The following ARL15 variants were observed in gnomAD, a reference collection of about 807,000 sequenced individuals.
The protein encoded by ARL15 is ADP-ribosylation factor-like protein 15.
ARL15 carries 19 observed loss-of-function variants against 25.2 expected under a neutral mutation model. The ratio of observed to expected loss-of-function variants is 0.75; its 90% CI spans 0.53 to 1.10. The LOEUF (loss-of-function observed/expected upper bound fraction) is 1.10, where lower values mean the gene tolerates loss of function less well. ARL15 is among the 50% of genes least tolerant of loss of function. The pLI is 0.00. For synonymous variants in ARL15, 94 were observed against 86.8 expected, an observed-to-expected ratio of 1.08 and a Z score of -0.46; for missense variants, 220 against 246.0, an observed-to-expected ratio of 0.89 and a Z score of 0.71.
intron 4 of ARL15, among the ~76,000 whole-genome samples, chr5:53,903,744 C>G (rs1201251317): frequency 1.3e-5 from 2 of 152,186 alleles, no homozygotes; most frequent in African/African-American, 4.8e-5. Context: ...GTGCTTCTTT[C>G]TGGCTCAAAA....
chr5:54,288,985 A>C (rs1373126275), intron 1 of ARL15, among the ~76,000 whole-genome samples: 1 of 152,188 alleles, frequency 6.6e-6, no homozygotes, highest in African/African-American at 2.4e-5. Context: ...AGGAAGTAAG[A>C]GGCCTGTCTC....
chr5:54,139,221 T>G (rs1366380443), intron 3 of ARL15, among the ~76,000 whole-genome samples: 1 of 152,188 alleles, frequency 6.6e-6, no homozygotes, highest in African/African-American at 2.4e-5. Flanking sequence ...CACACATGTT[T>G]ATCACAGCAC....
At chr5:53,971,543 T>C (rs977941992) in intron 4 of ARL15, among the ~76,000 whole-genome samples, 1 of 152,084 alleles carries the variant, frequency 6.6e-6, no homozygotes, top group African/African-American at 2.4e-5. Context: ...GAGTACATTA[T>C]CCTCATTCAT....
At chr5:53,972,935 C>T (rs1747800116) in intron 4 of ARL15, among the ~76,000 whole-genome samples, 1 of 151,982 alleles carries the variant, frequency 6.6e-6, no homozygotes, top group Non-Finnish European at 1.5e-5. Flanking sequence ...TTCATGTTTG[C>T]AATGACCTAA....
chr5:54,066,129 A>G (rs573959280), intron 4 of ARL15, among the ~76,000 whole-genome samples: 38 of 152,306 alleles, frequency 2.5e-4, no homozygotes, highest in African/African-American at 8.7e-4. Context: ...GCCCCAAATC[A>G]CAAAGCTACT....
At chr5:54,117,427 T>A in intron 3 of ARL15, among the ~76,000 whole-genome samples, 1 of 134,274 alleles carries the variant, frequency 7.4e-6, no homozygotes, top group South Asian at 2.6e-4. Flanking sequence ...AGAAATACCA[T>A]AACTTTAAAA....
intron 4 of ARL15, among the ~76,000 whole-genome samples, chr5:53,898,819 A>AT (rs1365391065): frequency 2.6e-5 from 4 of 151,484 alleles, no homozygotes; most frequent in Non-Finnish European, 1.5e-5. Flanking sequence ...TGCCTGGCTA[A>AT]TTTTTGTATT....
intron 4 of ARL15, among the ~76,000 whole-genome samples, chr5:53,900,947 T>C (rs1745045819): frequency 6.6e-6 from 1 of 152,234 alleles, no homozygotes; most frequent in Admixed American, 6.5e-5. Flanking sequence ...ACTTATGTTT[T>C]GAGCTATTCC....
rs187157320 is a variant in ARL15, at chr5:54,268,162, C to T, written c.48+42270G>A. ...TCCCATATTTCTCGGAGGCTTTGTT[C>T]GTTTCTTTTTATTCTTTTTTCTCTA... On this transcript the variant is annotated intron_variant, in intron 1 of 4. Transcript: ENST00000504924. Among the ~76,000 whole-genome samples, 1,027 of 152,168 alleles carry T rather than the reference C, an allele frequency of 6.7e-3. 5 individuals are homozygous for T. Among genetic ancestry groups the T allele is most frequent in the Middle Eastern group, 0.048 (14 of 294 alleles).
chr5:54,224,898 G>C (rs973524481), intron 1 of ARL15, among the ~76,000 whole-genome samples: 10 of 152,134 alleles, frequency 6.6e-5, no homozygotes, highest in African/African-American at 2.4e-4. Context: ...CAAGCACTCA[G>C]GTGGGAACTG....
At chr5:54,233,405 GT>G (rs1407701866) in intron 1 of ARL15, among the ~76,000 whole-genome samples, 1 of 152,208 alleles carries the variant, frequency 6.6e-6, no homozygotes, top group African/African-American at 2.4e-5. Flanking sequence ...GTTAGTATTT[GT>G]TGCCAGTGAT....
intron 4 of ARL15, among the ~76,000 whole-genome samples, chr5:54,042,923 C>A (rs150419862): frequency 8.0e-4 from 119 of 149,656 alleles, no homozygotes; most frequent in African/African-American, 2.9e-3. Flanking sequence ...TATATAGGTT[C>A]AAAAAAAAAT....
intron 1 of ARL15, among the ~76,000 whole-genome samples, chr5:54,306,558 T>C (rs979571309): frequency 1.5e-4 from 23 of 152,074 alleles, no homozygotes; most frequent in Non-Finnish European, 3.2e-4. Context: ...ACCCAGCTAA[T>C]TTTTCTATTT....
chr5:54,084,681 T>C (rs1239955384), intron 4 of ARL15, among the ~76,000 whole-genome samples: 1 of 152,116 alleles, frequency 6.6e-6, no homozygotes, highest in African/African-American at 2.4e-5. Context: ...CACTGAAAGC[T>C]GAGGGGTAGG....
At chr5:54,030,943 A>T (rs1004421085) in intron 4 of ARL15, among the ~76,000 whole-genome samples, 1 of 152,228 alleles carries the variant, frequency 6.6e-6, no homozygotes, top group Non-Finnish European at 1.5e-5. Flanking sequence ...AAATTTAAGA[A>T]GAGAATGTGA....
At chr5:54,038,017 T>C (rs1277150914) in intron 4 of ARL15, among the ~76,000 whole-genome samples, 1 of 152,158 alleles carries the variant, frequency 6.6e-6, no homozygotes, top group African/African-American at 2.4e-5. Context: ...TTTAATTGTC[T>C]AATCAACACC....
intron 1 of ARL15, among the ~76,000 whole-genome samples, chr5:54,302,079 T>C (rs1758629087): frequency 6.6e-6 from 1 of 152,148 alleles, no homozygotes; most frequent in Non-Finnish European, 1.5e-5. Context: ...GACTCCCGCC[T>C]CAAACACAAA....
chr5:54,283,669 T>C (rs868163860), intron 1 of ARL15, among the ~76,000 whole-genome samples: 87 of 152,180 alleles, frequency 5.7e-4, no homozygotes, highest in African/African-American at 2.0e-3. Flanking sequence ...CCTTTGGAAA[T>C]TACCCCAAGT....
chr5:54,180,754 T>C (rs1561255541), intron 1 of ARL15, among the ~76,000 whole-genome samples: 1 of 152,196 alleles, frequency 6.6e-6, no homozygotes, highest in East Asian at 1.9e-4. Flanking sequence ...CATTCCTTTT[T>C]GGGGTGAAAT....
Sources: allele counts gnomAD v4.1 joint callset (sites outside exome capture counted in the v4.1 genomes callset), GRCh38; gene constraint gnomAD v4.1.1; transcripts MANE v1.5; gene names NCBI Gene and HGNC (gene_info 2026-07-23, HGNC 2026-07-21).